Variants in ARHGAP6 observed in about 807,000 individuals in gnomAD.
The protein encoded by ARHGAP6 is rho GTPase-activating protein 6.
In ARHGAP6, 16 loss-of-function variants were observed where a neutral mutation model predicts 55.7. The observed-to-expected ratio is 0.29, with a 90% CI of 0.19 to 0.44. The LOEUF (loss-of-function observed/expected upper bound fraction) is 0.44, where lower values mean the gene tolerates loss of function less well. Ranked by LOEUF, ARHGAP6 falls within the 20% of genes least tolerant of loss-of-function variation. The pLI is 1.00. For missense variants in ARHGAP6, 698 were observed against 808.9 expected, an observed-to-expected ratio of 0.86 and a Z score of 1.66; for synonymous variants, 382 against 360.9, an observed-to-expected ratio of 1.06 and a Z score of -0.66.
At chrX:11,463,499 T>C (rs1569354217) in intron 1 of ARHGAP6, among the ~76,000 whole-genome samples, 1 of 111,089 alleles carries the variant, frequency 9.0e-6, no homozygotes, top group East Asian at 2.9e-4. Context: ...CCACCATACC[T>C]GGCTAACTTT....
chrX:11,176,886 G>A (rs1001462562), intron 8 of ARHGAP6, among the ~76,000 whole-genome samples: 5 of 112,038 alleles, frequency 4.5e-5, no homozygotes, highest in Non-Finnish European at 9.4e-5. Flanking sequence ...GGCTAAGTCA[G>A]GAGAGTTCCA....
rs1271369692 is a variant in ARHGAP6 at position 11,485,322 on chromosome X, T to C, written c.588+178919A>G. On this transcript the variant is annotated intron_variant, in intron 1 of 12. Coordinates refer to ENST00000337414, the MANE Select transcript of ARHGAP6 (RefSeq NM_013427.3). ...TGAGGATTTATCACGGAAAGAGTATTAGAAGAGAAGAGGGAGGGAGAAGTA... is the reference window on the plus strand; with the variant it reads ...TGAGGATTTATCACGGAAAGAGTATCAGAAGAGAAGAGGGAGGGAGAAGTA... Among the ~76,000 whole-genome samples, 3 of 109,949 alleles carry C rather than the reference T, an allele frequency of 2.7e-5. No homozygotes were observed. The East Asian group carries it at 8.7e-4, about 32-fold the overall frequency.
intron 1 of ARHGAP6, among the ~76,000 whole-genome samples, chrX:11,425,315 C>A (rs180732369): frequency 8.9e-6 from 1 of 111,830 alleles, no homozygotes; most frequent in Non-Finnish European, 1.9e-5. Flanking sequence ...TTGTGCTAAA[C>A]GGCAAAACAA....
chrX:11,339,645 ATATT>A (rs2048679667), intron 1 of ARHGAP6, among the ~76,000 whole-genome samples: 1 of 111,111 alleles, frequency 9.0e-6, no homozygotes, highest in African/African-American at 3.3e-5. Flanking sequence ...TTTAAATTGT[ATATT>A]TATGATATAA....
At chrX:11,520,505 G>C (rs1320393345) in intron 1 of ARHGAP6, among the ~76,000 whole-genome samples, 2 of 109,895 alleles carry the variant, frequency 1.8e-5, no homozygotes, top group Non-Finnish European at 3.8e-5. Flanking sequence ...CAGTTTTTAT[G>C]ACTGCATAGT....
intron 1 of ARHGAP6, among the ~76,000 whole-genome samples, chrX:11,513,265 AC>A (rs1482491741): frequency 9.1e-6 from 1 of 110,465 alleles, no homozygotes; most frequent in Non-Finnish European, 1.9e-5. Flanking sequence ...CTCCTCCAGG[AC>A]CCCCCAGCAA....
intron 1 of ARHGAP6, among the ~76,000 whole-genome samples, chrX:11,627,205 T>A (rs1312385236): frequency 1.8e-5 from 2 of 111,578 alleles, no homozygotes; most frequent in Non-Finnish European, 3.8e-5. Context: ...TGACATGAAG[T>A]CTCAATATCA....
chrX:11,531,215 A>G (rs1476344526), intron 1 of ARHGAP6, among the ~76,000 whole-genome samples: 2 of 111,716 alleles, frequency 1.8e-5, no homozygotes, highest in Non-Finnish European at 3.8e-5. Flanking sequence ...CTGCAGGTAC[A>G]GAATTGCTAA....
Position 11,179,314 on chromosome X carries a change from T to C in ARHGAP6, c.1468A>G (p.Ile490Val), listed in dbSNP as rs147456861. 1 of 1,205,133 alleles carries C rather than the reference T, an allele frequency of 8.3e-7. No homozygotes were observed. The highest frequency in any genetic ancestry group is 1.8e-5 in the South Asian group (1 of 55,131). The change falls in exon 7 of 13, where the codon ATC becomes GTC. Residue 490 changes from isoleucine to valine, a missense_variant. Transcript: ENST00000337414. ...LLTRELYTAF[I>V]NTLLLEPEEQ... is the part of the protein sequence containing the mutation. ...CTGTATTACGCACAGAGAGTGTTGA[T>C]GAAAGCTGTGTACAGCTCCCTGGTG...
chrX:11,168,288 C>T (rs972377057), intron 9 of ARHGAP6, among the ~76,000 whole-genome samples: 2 of 112,055 alleles, frequency 1.8e-5, no homozygotes, highest in African/African-American at 6.5e-5. Context: ...CACGTGTTAC[C>T]CAACTAATAT....
chrX:11,446,204 T>C (rs1255401151), intron 1 of ARHGAP6, among the ~76,000 whole-genome samples: 1 of 112,327 alleles, frequency 8.9e-6, no homozygotes, highest in African/African-American at 3.2e-5. Context: ...GTATTATTCC[T>C]TGAAATCACC....
intron 4 of ARHGAP6, among the ~76,000 whole-genome samples, chrX:11,188,470 T>C (rs1387519894): frequency 9.0e-6 from 1 of 111,672 alleles, no homozygotes; most frequent in Non-Finnish European, 1.9e-5. Context: ...AATGGTGATA[T>C]TGCCGAATGT....
intron 1 of ARHGAP6, among the ~76,000 whole-genome samples, chrX:11,568,221 C>T (rs1271790514): frequency 8.9e-6 from 1 of 112,218 alleles, no homozygotes; most frequent in African/African-American, 3.2e-5. Flanking sequence ...AGTGTGGCGT[C>T]AGCATACCCA....
At chrX:11,316,508 T>C (rs1306125143) in intron 1 of ARHGAP6, among the ~76,000 whole-genome samples, 1 of 112,639 alleles carries the variant, frequency 8.9e-6, no homozygotes, top group Non-Finnish European at 1.9e-5. Flanking sequence ...TGAAATGTCT[T>C]CATTAAGCCA....
chrX:11,253,731 C>T (rs1308197274), intron 2 of ARHGAP6, among the ~76,000 whole-genome samples: 1 of 110,872 alleles, frequency 9.0e-6, no homozygotes, highest in African/African-American at 3.3e-5. Flanking sequence ...ATGGTGAAAC[C>T]TTGTCTCTAC....
intron 2 of ARHGAP6, among the ~76,000 whole-genome samples, chrX:11,243,972 T>C (rs2047320198): frequency 8.9e-6 from 1 of 111,815 alleles, no homozygotes; most frequent in South Asian, 3.7e-4. Context: ...TTGCACACTG[T>C]CAAAATCATC....
At chrX:11,447,887 A>G (rs148311211) in intron 1 of ARHGAP6, among the ~76,000 whole-genome samples, 12 of 112,301 alleles carry the variant, frequency 1.1e-4, no homozygotes, top group African/African-American at 3.9e-4. Context: ...GTTGACATGT[A>G]TATTTATTGA....
At chrX:11,149,205 T>C (rs2057651) in intron 10 of ARHGAP6, among the ~76,000 whole-genome samples, 22,020 of 111,043 alleles carry the variant, frequency 0.2, 1,648 homozygotes, top group Middle Eastern at 0.28. Context: ...ACAGTGTTGT[T>C]TTCATTATTT....
intron 1 of ARHGAP6, among the ~76,000 whole-genome samples, chrX:11,535,043 C>T (rs1027014736): frequency 9.0e-6 from 1 of 111,275 alleles, no homozygotes; most frequent in South Asian, 3.8e-4. Flanking sequence ...CCTCCTTTAT[C>T]TTATTAGTTT....
Sources: allele counts gnomAD v4.1 joint callset (sites outside exome capture counted in the v4.1 genomes callset), GRCh38; gene constraint gnomAD v4.1.1; transcripts MANE v1.5; gene names NCBI Gene and HGNC (gene_info 2026-07-23, HGNC 2026-07-21).